Variants in DGKI observed in about 807,000 individuals in gnomAD.
DGKI encodes the protein diacylglycerol kinase iota, also known as DAG kinase iota.
Under a neutral mutation model 147.5 loss-of-function variants are expected in DGKI, and 55 were observed. That is an observed-to-expected ratio of 0.37 (90% confidence interval 0.30 to 0.47). The LOEUF is 0.47. DGKI is among the 20% of genes least tolerant of loss of function. DGKI has a pLI of 1.00. For synonymous variants in DGKI, 469 were observed against 477.1 expected (o/e 0.98, Z 0.22); for missense variants, 1,007 against 1,323.8 (o/e 0.76, Z 3.71).
At chr7:137,840,751 T>C (rs1563222155) in intron 1 of DGKI, among the ~76,000 whole-genome samples, 1 of 152,184 alleles carries the variant, frequency 6.6e-6, no homozygotes, top group African/African-American at 2.4e-5. Context: ...ACAATTGAGA[T>C]GAACCAAGAA....
chr7:137,843,558 A>C, intron 1 of DGKI: 2 of 303,094 alleles, frequency 6.6e-6, no homozygotes, highest in Non-Finnish European at 9.7e-6. Context: ...TACAGAAAGC[A>C]GTTTATTTTA....
chr7:137,569,621 C>T (rs13241720), intron 19 of DGKI, among the ~76,000 whole-genome samples: 10,913 of 150,118 alleles, frequency 0.073, 440 homozygotes, highest in South Asian at 0.14. Flanking sequence ...CCCAGCTACT[C>T]GGGAGGCTGA....
chr7:137,472,654 G>C (rs1815027610), intron 23 of DGKI, among the ~76,000 whole-genome samples: 2 of 151,204 alleles, frequency 1.3e-5, no homozygotes, highest in South Asian at 4.2e-4. Context: ...AGGAACTTAA[G>C]GTACTTAATG....
intron 1 of DGKI, among the ~76,000 whole-genome samples, chr7:137,810,162 T>C (rs12707373): frequency 0.41 from 62,609 of 151,926 alleles, 14,180 homozygotes; most frequent in Middle Eastern, 0.59. Context: ...AAATAGAAAA[T>C]AGTATGACTT....
In DGKI at chr7:137,395,554, A is replaced by G. The variant is rs371253152; in HGVS notation, c.3057+44T>C. ...ACAAGCAAAGGCAACAGCGCCTGCG[A>G]TCTCGCCCAGCGGGAGGATGTTTGC... On this transcript the variant is annotated intron_variant, in intron 32 of 32. Coordinates refer to ENST00000614521, the MANE Select transcript of DGKI (RefSeq NM_001321708.2). The G allele has an allele frequency of 2.5e-6, 4 of 1,577,498 alleles. No individual in the cohort carries two copies. The African/African-American group carries it at 5.4e-5, about 21-fold the overall frequency.
intron 21 of DGKI, among the ~76,000 whole-genome samples, chr7:137,490,367 T>C (rs758184058): frequency 1.8e-4 from 28 of 152,218 alleles, no homozygotes; most frequent in Non-Finnish European, 3.1e-4. Flanking sequence ...AATACAACAC[T>C]ATATTTAAAA....
At chr7:137,547,043 A>G (rs1183362532) in intron 20 of DGKI, among the ~76,000 whole-genome samples, 2 of 152,228 alleles carry the variant, frequency 1.3e-5, no homozygotes, top group African/African-American at 4.8e-5. Context: ...TCTATTTATT[A>G]ATAGTTCACT....
At position 137,386,623 on chromosome 7, in the gene DGKI, A is replaced by C. The variant is rs1811183908; in HGVS notation, c.*4597T>G. ...CAAAATTATTGACAGTAGTAGGCAG[A>C]AAGTTCAGGGACAGGACTGCCGCTA... On this transcript the variant is annotated 3_prime_UTR_variant, in exon 33 of 33. Coordinates refer to ENST00000614521, the MANE Select transcript of DGKI (RefSeq NM_001321708.2). 6.6e-6 allele frequency: 1 copy of C among 152,146 alleles called. No individual in the cohort carries two copies. Among genetic ancestry groups the C allele is most frequent in the African/African-American group, 2.4e-5 (1 of 41,460 alleles). The allele number at this position is 152,146 out of a possible 1,614,324, so 9.4% of individuals were successfully genotyped here.
rs529641212 is a variant in DGKI at position 137,587,024 on chromosome 7, A to T, written c.1425+73T>A. The T allele has an allele frequency of 6.2e-6, 7 of 1,130,152 alleles. No individual in the cohort carries two copies. In the East Asian group the frequency reaches 1.1e-4, roughly 18 times the overall value. The allele number at this position is 1,130,152 out of a possible 1,614,324, so 70.0% of individuals were successfully genotyped here. On this transcript the variant is annotated intron_variant, in intron 13 of 32. Transcript: ENST00000614521. ...AGCAGCAGCAGTACCCCCCTCTTCC[A>T]TTAGAACATCAGTGGATCTGGAATC...
intron 30 of DGKI, among the ~76,000 whole-genome samples, chr7:137,405,956 G>A (rs1260972820): frequency 6.6e-6 from 1 of 152,140 alleles, no homozygotes; most frequent in Admixed American, 6.5e-5. Context: ...GACTAGGGGA[G>A]GAAATACTGC....
chr7:137,611,617 G>A (rs1022517162), intron 8 of DGKI, among the ~76,000 whole-genome samples: 2 of 152,086 alleles, frequency 1.3e-5, no homozygotes, highest in Non-Finnish European at 2.9e-5. Context: ...TAAAATGATG[G>A]TGACACTACC....
intron 2 of DGKI, among the ~76,000 whole-genome samples, chr7:137,680,242 G>A (rs1823189472): frequency 6.6e-6 from 1 of 152,154 alleles, no homozygotes; most frequent in African/African-American, 2.4e-5. Flanking sequence ...ACTGGAATCT[G>A]CCAGCACCTT....
At chr7:137,721,901 C>T in intron 1 of DGKI, 1 of 834,342 alleles carries the variant, frequency 1.2e-6, no homozygotes. Context: ...CTGCCTAATT[C>T]CAATCCTCCA....
At chr7:137,480,607 T>C (rs1377066910) in intron 23 of DGKI, among the ~76,000 whole-genome samples, 5 of 150,932 alleles carry the variant, frequency 3.3e-5, no homozygotes, top group Non-Finnish European at 2.9e-5. Flanking sequence ...TTTTTTTTTT[T>C]CTTATGAAAG....
In DGKI at chr7:137,638,558, A is replaced by G. The variant is rs780277486; in HGVS notation, c.804+6914T>C. On this transcript the variant is annotated intron_variant, in intron 6 of 32. Coordinates refer to ENST00000614521, the MANE Select transcript of DGKI (RefSeq NM_001321708.2). Reference sequence around the variant, plus strand: ...CATATATGTATATATATGTGTGTATATATATACACACATATATGTATATAT... The same window carrying G: ...CATATATGTATATATATGTGTGTATGTATATACACACATATATGTATATAT... 9.1e-5 allele frequency among the ~76,000 whole-genome samples: 10 copies of G among 110,398 alleles called. 1 individual carries two copies. Among genetic ancestry groups the G allele is most frequent in the Non-Finnish European group, 1.5e-4 (8 of 54,306 alleles). The allele number at this position is 110,398 out of a possible 152,430, so 72.4% of individuals were successfully genotyped here.
chr7:137,459,470 A>ATTTT (rs68045398), intron 27 of DGKI, among the ~76,000 whole-genome samples: 54 of 107,468 alleles, frequency 5.0e-4, no homozygotes, highest in Admixed American at 6.3e-4. Flanking sequence ...AATTTTTTAA[A>ATTTT]TTTTTTTTTT....
chr7:137,657,553 G>T (rs1267795006), intron 3 of DGKI, among the ~76,000 whole-genome samples: 2 of 152,176 alleles, frequency 1.3e-5, no homozygotes. Flanking sequence ...TCTCTATAAA[G>T]GACAGACTGG....
At chr7:137,577,318 G>GT in intron 16 of DGKI, 34 bp from the exon 17 acceptor site, 1 of 1,440,470 alleles carries the variant, frequency 6.9e-7, no homozygotes, top group Non-Finnish European at 9.7e-7. Flanking sequence ...GAAGAAATTC[G>GT]TAATTACATG....
chr7:137,798,240 C>A (rs1309163883), intron 1 of DGKI, among the ~76,000 whole-genome samples: 1 of 152,108 alleles, frequency 6.6e-6, no homozygotes, highest in Non-Finnish European at 1.5e-5. Flanking sequence ...CCAGAGGGCT[C>A]CACTGGGGAA....
Sources: gnomAD v4.1 joint callset for allele counts (sites outside exome capture counted in the v4.1 genomes callset) on GRCh38, gnomAD v4.1.1 for gene constraint, MANE v1.5 for transcripts, NCBI Gene and HGNC (gene_info 2026-07-23, HGNC 2026-07-21) for gene names.